The following BTBD9 variants were observed in gnomAD, a reference collection of about 807,000 sequenced individuals.
BTBD9 encodes the protein BTB domain containing 9, also known as BTB/POZ domain-containing protein 9.
In BTBD9, 49 loss-of-function variants were observed where a neutral mutation model predicts 64.3. The observed-to-expected ratio is 0.76, with a 90% CI of 0.61 to 0.97. The LOEUF (loss-of-function observed/expected upper bound fraction) is 0.97. Among genes scored for constraint, BTBD9 ranks in the 50% least tolerant of loss-of-function variants. BTBD9 has a pLI of 0.00. For synonymous variants in BTBD9, 260 were observed against 274.7 expected, an observed-to-expected ratio of 0.95 and a Z score of 0.53; for missense variants, 598 against 762.1, an observed-to-expected ratio of 0.78 and a Z score of 2.53.
intron 6 of BTBD9, among the ~76,000 whole-genome samples, chr6:38,446,366 T>C (rs537758255): frequency 1.3e-5 from 2 of 152,026 alleles, no homozygotes; most frequent in East Asian, 1.9e-4. Flanking sequence ...AGAAAGAGAA[T>C]AGCTCTCTGA....
At chr6:38,400,880 A>G (rs549280165) in intron 6 of BTBD9, among the ~76,000 whole-genome samples, 1 of 152,354 alleles carries the variant, frequency 6.6e-6, no homozygotes, top group African/African-American at 2.4e-5. Flanking sequence ...TCATAATCCT[A>G]TGAGATAAAC....
chr6:38,365,698 T>C (rs9380740), intron 6 of BTBD9, among the ~76,000 whole-genome samples: 53,602 of 149,706 alleles, frequency 0.36, 11,460 homozygotes, highest in East Asian at 0.84. Context: ...GTTGAGGTTG[T>C]GGTGAACCAA....
At chr6:38,274,596 T>G (rs1480672968) in intron 8 of BTBD9, among the ~76,000 whole-genome samples, 1 of 152,228 alleles carries the variant, frequency 6.6e-6, no homozygotes, top group African/African-American at 2.4e-5. Context: ...TGAAGGATTG[T>G]TGAATTTTGT....
chr6:38,308,438 T>A (rs960082400), intron 7 of BTBD9, among the ~76,000 whole-genome samples: 1 of 152,214 alleles, frequency 6.6e-6, no homozygotes, highest in African/African-American at 2.4e-5. Flanking sequence ...TTAAACTGGT[T>A]TTGCAAGTTT....
At chr6:38,193,741 T>TG (rs11460834) in intron 9 of BTBD9, 556,865 of 914,400 alleles carry the variant, frequency 0.61, 171,816 homozygotes, top group African/African-American at 0.64. Context: ...TGCCAGCTGC[T>TG]GGAAGCTGTT....
intron 7 of BTBD9, among the ~76,000 whole-genome samples, chr6:38,336,025 C>T (rs765173596): frequency 1.2e-4 from 18 of 152,088 alleles, no homozygotes; most frequent in Admixed American, 7.9e-4. Context: ...TGTGAGCTAC[C>T]GCACCCGGCC....
At chr6:38,402,955 C>G (rs1014014856) in intron 6 of BTBD9, 1 of 642,180 alleles carries the variant, frequency 1.6e-6, no homozygotes, top group African/African-American at 1.8e-5. Flanking sequence ...CACCTGTCAT[C>G]CCAGCTACTC....
At chr6:38,540,348 G>T (rs564254896) in intron 6 of BTBD9, among the ~76,000 whole-genome samples, 94 of 152,222 alleles carry the variant, frequency 6.2e-4, no homozygotes, top group African/African-American at 2.0e-3. Context: ...TACTCCATAG[G>T]GGGTCCAATT....
intron 7 of BTBD9, among the ~76,000 whole-genome samples, chr6:38,322,671 G>A (rs952438962): frequency 5.3e-5 from 8 of 152,172 alleles, no homozygotes; most frequent in Non-Finnish European, 1.2e-4. Flanking sequence ...CGTTTACAGC[G>A]TCTGTTTTAT....
At chr6:38,541,059 T>C (rs899228527) in intron 6 of BTBD9, among the ~76,000 whole-genome samples, 1 of 152,222 alleles carries the variant, frequency 6.6e-6, no homozygotes, top group African/African-American at 2.4e-5. Flanking sequence ...GTCTTAATGC[T>C]GGACGCAGAT....
chr6:38,220,655 T>C (rs919089827), intron 9 of BTBD9, among the ~76,000 whole-genome samples: 1 of 152,250 alleles, frequency 6.6e-6, no homozygotes, highest in Non-Finnish European at 1.5e-5. Context: ...TTTATAAAAC[T>C]GTTAGTGTGG....
intron 9 of BTBD9, among the ~76,000 whole-genome samples, chr6:38,238,321 A>G (rs1763861738): frequency 6.6e-6 from 1 of 152,196 alleles, no homozygotes; most frequent in Non-Finnish European, 1.5e-5. Context: ...AATACATGTA[A>G]GATTTACATT....
chr6:38,270,113 T>C (rs1019066241), intron 8 of BTBD9, among the ~76,000 whole-genome samples: 3 of 152,222 alleles, frequency 2.0e-5, no homozygotes, highest in Non-Finnish European at 1.5e-5. Flanking sequence ...GCATGAGGCT[T>C]CATTAGAATA....
At chr6:38,328,606 T>C (rs2127580074) in intron 7 of BTBD9, among the ~76,000 whole-genome samples, 1 of 147,536 alleles carries the variant, frequency 6.8e-6, no homozygotes, top group East Asian at 2.0e-4. Context: ...TGTGTGTGTG[T>C]GTGTGTTTTA....
At chr6:38,221,993 G>GA (rs1251274600) in intron 9 of BTBD9, among the ~76,000 whole-genome samples, 4 of 150,768 alleles carry the variant, frequency 2.7e-5, no homozygotes, top group Non-Finnish European at 5.9e-5. Flanking sequence ...CTGTCTCGAA[G>GA]AAAAAAAATA....
At chr6:38,240,476 C>T (rs1288037398) in intron 9 of BTBD9, among the ~76,000 whole-genome samples, 1 of 152,122 alleles carries the variant, frequency 6.6e-6, no homozygotes. Flanking sequence ...TAAGCCCATG[C>T]CCTACAGTTT....
rs367830619 is a variant in BTBD9 at position 38,550,127 on chromosome 6, C to A, written c.1154+27473G>T. ...CTCCCTTGGACGTTAGACATATATT[C>A]AACTTCCTCTTCAACATCTCTACCT... is the stretch of plus-strand genomic sequence containing the variant. On this transcript the variant is annotated intron_variant, in intron 6 of 10. Transcript: ENST00000481247. Among the ~76,000 whole-genome samples, 25 of 152,192 alleles carry A rather than the reference C, an allele frequency of 1.6e-4. 1 individual carries two copies. Among genetic ancestry groups the A allele is most frequent in the African/African-American group, 5.8e-4 (24 of 41,524 alleles).
intron 9 of BTBD9, among the ~76,000 whole-genome samples, chr6:38,196,054 A>G (rs761831552): frequency 2.6e-5 from 4 of 152,254 alleles, no homozygotes; most frequent in Non-Finnish European, 5.9e-5. Flanking sequence ...CCAGCACTGT[A>G]TTATTACGCC....
intron 7 of BTBD9, among the ~76,000 whole-genome samples, chr6:38,293,553 A>C (rs1017207834): frequency 5.9e-5 from 9 of 152,188 alleles, no homozygotes; most frequent in African/African-American, 2.2e-4. Flanking sequence ...ACCTGACAAA[A>C]ACAAGCAACG....
Sources: gnomAD v4.1 joint callset for allele counts (sites outside exome capture counted in the v4.1 genomes callset) on GRCh38, gnomAD v4.1.1 for gene constraint, MANE v1.5 for transcripts, NCBI Gene and HGNC (gene_info 2026-07-23, HGNC 2026-07-21) for gene names.